PCDHA11: variants seen among roughly 807,000 people sequenced by gnomAD.
PCDHA11 encodes protocadherin alpha 11, also known as protocadherin alpha-11.
Under a neutral mutation model 70.3 loss-of-function variants are expected in PCDHA11, and 61 were observed. The ratio of observed to expected loss-of-function variants is 0.87; its 90% CI spans 0.71 to 1.07. The LOEUF is 1.07. Among genes scored for constraint, PCDHA11 ranks in the 50% least tolerant of loss-of-function variants. PCDHA11 has a pLI of 0.00. For missense variants in PCDHA11, 1,324 were observed against 1,237.5 expected, an observed-to-expected ratio of 1.07 and a Z score of -1.05; for synonymous variants, 633 against 555.1, an observed-to-expected ratio of 1.14 and a Z score of -1.97.
chr5:140,886,730 G>A (rs2061105749), intron 1 of PCDHA11, among the ~76,000 whole-genome samples: 1 of 150,962 alleles, frequency 6.6e-6, no homozygotes, highest in Non-Finnish European at 1.5e-5. Flanking sequence ...GGAGGCTGAA[G>A]CAAGAGAATT....
chr5:140,968,276 G>A, intron 1 of PCDHA11: 1 of 1,614,070 alleles, frequency 6.2e-7, no homozygotes, highest in South Asian at 1.1e-5. Context: ...GAATGCAGAG[G>A]TGACCTACTC....
intron 1 of PCDHA11, among the ~76,000 whole-genome samples, chr5:140,906,402 A>G (rs1378425113): frequency 1.3e-5 from 2 of 152,268 alleles, no homozygotes; most frequent in African/African-American, 4.8e-5. Flanking sequence ...AAATTTTCAT[A>G]TGAAGTCAAT....
intron 1 of PCDHA11, among the ~76,000 whole-genome samples, chr5:140,973,258 C>T (rs952911948): frequency 1.3e-5 from 2 of 152,168 alleles, no homozygotes; most frequent in African/African-American, 4.8e-5. Flanking sequence ...CTTTCAGTGG[C>T]ACCTACTTTT....
chr5:140,909,070 C>T (rs2074299054), intron 1 of PCDHA11, among the ~76,000 whole-genome samples: 1 of 152,146 alleles, frequency 6.6e-6, no homozygotes, highest in Non-Finnish European at 1.5e-5. Flanking sequence ...CACCAATAAG[C>T]CCAGTGTGTT....
chr5:140,980,313 C>G (rs904282752), intron 2 of PCDHA11, among the ~76,000 whole-genome samples: 7 of 152,166 alleles, frequency 4.6e-5, no homozygotes, highest in Admixed American at 3.9e-4. Context: ...GCCTTAAAAA[C>G]TACATTTGAA....
At chr5:140,926,972 C>A (rs782504064) in intron 1 of PCDHA11, 2 of 1,609,464 alleles carry the variant, frequency 1.2e-6, no homozygotes. Flanking sequence ...TACTCAGTGC[C>A]GGAGGAGACG....
At chr5:140,980,897 A>G (rs2096910436) in intron 2 of PCDHA11, among the ~76,000 whole-genome samples, 1 of 152,186 alleles carries the variant, frequency 6.6e-6, no homozygotes, top group African/African-American at 2.4e-5. Context: ...AGTCTTGGAC[A>G]TCATGTAACT....
In PCDHA11 at chr5:140,904,730, A is replaced by AT. The variant is rs538757271; in HGVS notation, c.2391+33243dup. 7.6e-4 allele frequency among the ~76,000 whole-genome samples: 116 copies of AT among 152,104 alleles called. 1 individual carries two copies. The highest frequency in any genetic ancestry group is 6.8e-3 in the Middle Eastern group (2 of 294). On this transcript the variant is annotated intron_variant, in intron 1 of 3. Transcript: ENST00000398640. ...CACCACATTCTGGCCAACATCTATT[A>AT]TTTTTTTATTATGACCATTTTTGCA...
chr5:141,008,941 G>T, intron 3 of PCDHA11, among the ~76,000 whole-genome samples: 1 of 152,140 alleles, frequency 6.6e-6, no homozygotes, highest in East Asian at 1.9e-4. Context: ...TCTTGTTTTG[G>T]ACAAAATAGA....
chr5:140,932,824 G>A (rs1484280278), intron 1 of PCDHA11, among the ~76,000 whole-genome samples: 4 of 151,902 alleles, frequency 2.6e-5, no homozygotes, highest in Admixed American at 6.6e-5. Context: ...AAGTGGGAAA[G>A]TATTGACAAT....
intron 1 of PCDHA11, chr5:140,966,454 C>G (rs897696652): frequency 1.6e-5 from 7 of 426,406 alleles, no homozygotes; most frequent in Non-Finnish European, 1.6e-5. Flanking sequence ...TCCCCCTCCC[C>G]CTCTGTCTTC....
chr5:140,978,778 T>C, intron 1 of PCDHA11, 171 bp from the exon 2 acceptor site: 1 of 968,888 alleles, frequency 1.0e-6, no homozygotes, highest in Non-Finnish European at 1.2e-6. Context: ...CTAATTTTCT[T>C]CTAAAGTGCT....
In PCDHA11 at chr5:140,869,499, G is replaced by A; in HGVS notation, c.396G>A (p.Val132=). The change falls in exon 1 of 4, where the codon GTG becomes GTA. Residue 132 remains valine, a synonymous_variant. Transcript: ENST00000398640. ...EVKDINDNPP[V]FSLREQKLLI... The stretch of plus-strand genomic sequence containing the variant: ...AGGACATTAACGACAACCCGCCGGT[G>A]TTCTCGCTCAGAGAACAAAAGCTGC... The A allele has an allele frequency of 5.0e-6, 8 of 1,614,196 alleles. No homozygotes were observed. Among genetic ancestry groups the A allele is most frequent in the Non-Finnish European group, 5.9e-6 (7 of 1,180,036 alleles).
chr5:140,939,283 GATCTAATC>G lies in PCDHA11; in HGVS notation c.2392-39661_2392-39654del, dbSNP rs1257109202. ...TCTTTTATGAGAGCTGTGCCCTCGT[GATCTAATC>G]ATCTCTACAAAAGCCCTACCTCCTA... On this transcript the variant is annotated intron_variant, in intron 1 of 3. Coordinates refer to ENST00000398640, the MANE Select transcript of PCDHA11 (RefSeq NM_018902.5). Among the ~76,000 whole-genome samples the G allele has an allele frequency of 2.0e-5, 3 of 152,184 alleles. No homozygotes were observed. In the East Asian group the frequency reaches 5.8e-4, roughly 29 times the overall value.
chr5:140,946,648 C>A (rs1195536248), intron 1 of PCDHA11, among the ~76,000 whole-genome samples: 2 of 99,274 alleles, frequency 2.0e-5, no homozygotes, highest in African/African-American at 1.2e-4. Flanking sequence ...GAATACTCAT[C>A]AGCCATTAGA....
At chr5:140,951,543 CG>C (rs1201907714) in intron 1 of PCDHA11, among the ~76,000 whole-genome samples, 2 of 151,550 alleles carry the variant, frequency 1.3e-5, no homozygotes, top group Admixed American at 1.3e-4. Flanking sequence ...GAGCAAGGGA[CG>C]GGGGGAAGTG....
intron 1 of PCDHA11, among the ~76,000 whole-genome samples, chr5:140,947,914 GCCTTAAC>G (rs2094192185): frequency 6.6e-6 from 1 of 151,456 alleles, no homozygotes. Context: ...AGACATTCTT[GCCTTAAC>G]CCTGATCTTA....
rs558801074 is a variant in PCDHA11 at position 140,931,826 on chromosome 5, G to A, written c.2392-47123G>A. On this transcript the variant is annotated intron_variant, in intron 1 of 3. Transcript: ENST00000398640. ...TCTTTAGAAAAGAATTCTTGTCATA[G>A]TATCCTGAATGCCTTAATAACAACA... Among the ~76,000 whole-genome samples, 28 of 151,962 alleles carry A rather than the reference G, an allele frequency of 1.8e-4. No homozygotes were observed. In the South Asian group the frequency reaches 5.4e-3, roughly 29 times the overall value.
chr5:140,988,495 G>GT (rs2097300130), intron 3 of PCDHA11, among the ~76,000 whole-genome samples: 1 of 152,158 alleles, frequency 6.6e-6, no homozygotes, highest in Non-Finnish European at 1.5e-5. Context: ...CTACCTAGGA[G>GT]AAGCCATGAA....
Sources: gnomAD v4.1 joint callset for allele counts (sites outside exome capture counted in the v4.1 genomes callset) on GRCh38, gnomAD v4.1.1 for gene constraint, MANE v1.5 for transcripts, NCBI Gene and HGNC (gene_info 2026-07-23, HGNC 2026-07-21) for gene names.